The following MED27 variants were observed in gnomAD, a reference collection of about 807,000 sequenced individuals.
The protein encoded by MED27 is mediator complex subunit 27.
A neutral mutation model predicts 38.2 loss-of-function variants in MED27; 30 were observed. That is an observed-to-expected ratio of 0.79 (90% CI 0.59 to 1.07). The LOEUF is 1.07. Ranked by LOEUF, MED27 falls within the 50% of genes least tolerant of loss-of-function variation. The pLI, the probability that MED27 is intolerant of heterozygous loss-of-function variation, is 0.00. For missense variants in MED27, 289 were observed against 397.5 expected, an observed-to-expected ratio of 0.73 and a Z score of 2.32; for synonymous variants, 122 against 153.5, an observed-to-expected ratio of 0.79 and a Z score of 1.52.
chr9:131,914,486 C>T (rs765874924), intron 4 of MED27, among the ~76,000 whole-genome samples: 3 of 152,140 alleles, frequency 2.0e-5, no homozygotes, highest in Non-Finnish European at 4.4e-5. Context: ...GCATTCAGCA[C>T]GAGCCAGGTG....
intron 6 of MED27, among the ~76,000 whole-genome samples, chr9:131,877,435 G>C (rs1287070400): frequency 6.6e-6 from 1 of 152,110 alleles, no homozygotes; most frequent in Non-Finnish European, 1.5e-5. Flanking sequence ...AATTAGCTGG[G>C]TGTGGCAGTG....
intron 3 of MED27, among the ~76,000 whole-genome samples, chr9:131,968,699 A>C (rs987298222): frequency 6.6e-5 from 10 of 152,086 alleles, no homozygotes; most frequent in Non-Finnish European, 1.5e-4. Context: ...AAAACATTGT[A>C]TTTGTGAATC....
At chr9:131,882,505 G>A (rs1397185968) in intron 6 of MED27, among the ~76,000 whole-genome samples, 1 of 152,254 alleles carries the variant, frequency 6.6e-6, no homozygotes, top group Non-Finnish European at 1.5e-5. Flanking sequence ...CTGGCACACT[G>A]TGGACACAAC....
chr9:132,063,014 G>A (rs1833733191), intron 2 of MED27, among the ~76,000 whole-genome samples: 1 of 152,164 alleles, frequency 6.6e-6, no homozygotes, highest in Non-Finnish European at 1.5e-5. Context: ...ATGTAAGACA[G>A]GGCTCAGTGA....
intron 6 of MED27, among the ~76,000 whole-genome samples, chr9:131,874,219 G>A (rs929222216): frequency 1.3e-5 from 2 of 152,196 alleles, no homozygotes; most frequent in African/African-American, 4.8e-5. Context: ...GTTCCTGTCA[G>A]GCTAAGCCCT....
At chr9:132,034,644 C>T (rs569472737) in intron 2 of MED27, among the ~76,000 whole-genome samples, 75 of 152,244 alleles carry the variant, frequency 4.9e-4, no homozygotes, top group African/African-American at 1.7e-3. Flanking sequence ...AAAGCCACGC[C>T]CTCCTGTCTC....
Position 131,950,216 on chromosome 9 carries a change from GGT to G in MED27, c.480-10744_480-10743del, listed in dbSNP as rs376607087. Among the ~76,000 whole-genome samples, 445 of 152,282 alleles carry G rather than the reference GGT, an allele frequency of 2.9e-3. 5 individuals carry two copies. Among genetic ancestry groups the G allele is most frequent in the African/African-American group, 0.01 (425 of 41,538 alleles). ...CTTTCCAGCAACACCAATTAACAACGGTTATTAAGTCAGCCATTTCTGTCAGA... is the reference window on the plus strand; with the variant it reads ...CTTTCCAGCAACACCAATTAACAACGTATTAAGTCAGCCATTTCTGTCAGA... On this transcript the variant is annotated intron_variant, in intron 3 of 7. Coordinates refer to ENST00000292035, the MANE Select transcript of MED27 (RefSeq NM_004269.4).
intron 3 of MED27, among the ~76,000 whole-genome samples, chr9:131,958,918 C>T (rs1414635390): frequency 6.6e-6 from 1 of 152,238 alleles, no homozygotes; most frequent in African/African-American, 2.4e-5. Context: ...AGGACAACCT[C>T]ATCCTGTGAA....
rs1356425699 is a variant in MED27, at chr9:131,872,986, CGTGTG to C, written c.724-9851_724-9847del. Among the ~76,000 whole-genome samples, 1 of 152,246 alleles carries C rather than the reference CGTGTG, an allele frequency of 6.6e-6. No individual in the cohort carries two copies. Among genetic ancestry groups the C allele is most frequent in the Non-Finnish European group, 1.5e-5 (1 of 68,042 alleles). ...TCAAGTAGCAGGCAGCAAAGCCAAA[CGTGTG>C]CTAGGCACAGGTGCCCAGGCAGTTC... On this transcript the variant is annotated intron_variant, in intron 6 of 7. Transcript: ENST00000292035. The surrounding 1 kb of genome is among the most constrained non-coding windows in gnomAD (Gnocchi z 5.6).
intron 6 of MED27, among the ~76,000 whole-genome samples, chr9:131,881,125 AC>A (rs1839029029): frequency 6.6e-6 from 1 of 152,200 alleles, no homozygotes. Flanking sequence ...GGAAAAGCTG[AC>A]CATTTTAATG....
chr9:132,064,628 C>T (rs184871331), intron 2 of MED27, among the ~76,000 whole-genome samples: 26 of 152,316 alleles, frequency 1.7e-4, no homozygotes, highest in African/African-American at 5.8e-4. Flanking sequence ...GGTGCCATGC[C>T]AAAGGCAAAT....
rs543954579 is a variant in MED27, at chr9:132,014,407, C to T, written c.409G>A (p.Ala137Thr). Residue 137 changes from alanine to threonine, a missense_variant, in exon 3 of 8, where the codon GCT (alanine) becomes ACT (threonine). Coordinates refer to ENST00000292035, the MANE Select transcript of MED27 (RefSeq NM_004269.4). ...LLNQQSLKRS[A>T]NQMGVSAKRR... is the part of the protein sequence containing the mutation. ...TTGGCAGATACTCCCATCTGATTAG[C>T]GGAACGCTTCAATGACTGCTGATTT... The T allele has an allele frequency of 7.4e-6, 12 of 1,613,806 alleles. No individual in the cohort carries two copies. The highest frequency in any genetic ancestry group is 4.0e-5 in the African/African-American group (3 of 75,044).
chr9:131,908,255 G>C (rs1280230545), intron 4 of MED27, among the ~76,000 whole-genome samples: 4 of 147,706 alleles, frequency 2.7e-5, no homozygotes, highest in Non-Finnish European at 6.0e-5. Flanking sequence ...AGGGAGGTGG[G>C]GGGGTCAGCC....
intron 2 of MED27, among the ~76,000 whole-genome samples, chr9:132,042,539 C>A (rs1833241975): frequency 6.6e-6 from 1 of 152,174 alleles, no homozygotes; most frequent in Non-Finnish European, 1.5e-5. Context: ...TCCTGCCCCT[C>A]CTTTATCCAC....
intron 3 of MED27, among the ~76,000 whole-genome samples, chr9:131,964,309 T>A: frequency 0.018 from 1 of 56 alleles, no homozygotes; most frequent in African/African-American, 0.1. Flanking sequence ...ATTGTGGTGG[T>A]GCTGGTGCTG....
rs1400836570 is a variant in MED27 at position 132,022,242 on chromosome 9, C to A, written c.349-7775G>T. On this transcript the variant is annotated intron_variant, in intron 2 of 7. Coordinates refer to ENST00000292035, the MANE Select transcript of MED27 (RefSeq NM_004269.4). The stretch of plus-strand genomic sequence containing the variant: ...CAGATGCACCATCATGTTCTTGTCA[C>A]CAGCTAAGGTTGAACCACCCCAGAA... Among the ~76,000 whole-genome samples, 6 of 152,214 alleles carry A rather than the reference C, an allele frequency of 3.9e-5. No homozygotes were observed. The South Asian group carries it at 8.3e-4, about 21-fold the overall frequency.
intron 3 of MED27, among the ~76,000 whole-genome samples, chr9:131,984,303 C>G (rs554948784): frequency 1.3e-5 from 2 of 152,284 alleles, no homozygotes; most frequent in East Asian, 3.9e-4. Flanking sequence ...TCCATATTCT[C>G]CACTAGAATG....
rs78298122 is a variant in MED27 at position 132,004,864 on chromosome 9, A to C, written c.479+9473T>G. On this transcript the variant is annotated intron_variant, in intron 3 of 7. Transcript: ENST00000292035. Reference sequence around the variant, plus strand: ...ACAGAGGAACGAGCCTTCAGGACTCATTCATTCAACCAACAGTGCACAGTC... The same window carrying C: ...ACAGAGGAACGAGCCTTCAGGACTCCTTCATTCAACCAACAGTGCACAGTC... Among the ~76,000 whole-genome samples the C allele has an allele frequency of 9.5e-3, 1,449 of 152,346 alleles. 5 individuals carry two copies. Among genetic ancestry groups the C allele is most frequent in the Middle Eastern group, 0.034 (10 of 294 alleles).
intron 3 of MED27, among the ~76,000 whole-genome samples, chr9:131,980,131 T>C (rs564256697): frequency 1.2e-4 from 18 of 148,008 alleles, no homozygotes; most frequent in African/African-American, 4.4e-4. Context: ...GTGTATATAT[T>C]ATAGTGCCAC....
Sources: gnomAD v4.1 joint callset for allele counts (sites outside exome capture counted in the v4.1 genomes callset) on GRCh38, gnomAD v4.1.1 for gene constraint, Gnocchi (gnomAD v3.1) non-coding constraint, MANE v1.5 for transcripts, NCBI Gene and HGNC (gene_info 2026-07-23, HGNC 2026-07-21) for gene names.